Variants in SCP2 observed in about 807,000 individuals in gnomAD.
SCP2 encodes the protein sterol carrier protein 2.
SCP2 carries 48 observed loss-of-function variants against 71.4 expected under a neutral mutation model. The ratio of observed to expected loss-of-function variants is 0.67; its 90% CI spans 0.53 to 0.86. The LOEUF is 0.86. Among genes scored for constraint, SCP2 ranks in the 40% least tolerant of loss-of-function variants. SCP2 has a pLI of 0.00. For synonymous variants in SCP2, 220 were observed against 218.1 expected, an observed-to-expected ratio of 1.01 and a Z score of -0.08; for missense variants, 560 against 655.6, an observed-to-expected ratio of 0.85 and a Z score of 1.59.
At chr1:53,037,907 CACACACACACACACACACACACAGAT>C (rs1300236226) in intron 13 of SCP2, among the ~76,000 whole-genome samples, 8 of 128,586 alleles carry the variant, frequency 6.2e-5, no homozygotes, top group Middle Eastern at 4.3e-3. Context: ...CACACACACA[CACACACACACACACACACACACAGAT>C]CCAGATCCTG....
At chr1:52,995,830 C>T in intron 11 of SCP2, 2 of 1,031,018 alleles carry the variant, frequency 1.9e-6, no homozygotes, top group Non-Finnish European at 1.5e-6. Flanking sequence ...TCTTCAGGTG[C>T]ATCTTGGAGC....
intron 12 of SCP2, among the ~76,000 whole-genome samples, chr1:53,024,320 G>A (rs1363655562): frequency 6.6e-6 from 1 of 152,066 alleles, no homozygotes; most frequent in Non-Finnish European, 1.5e-5. Context: ...GGAGTGAGGA[G>A]TTACTCTTTA....
rs776027704 is a variant in SCP2 at position 52,975,935 on chromosome 1, A to G, written c.588-748A>G. ...GCCCATGCCACCCATATTTTGACCA[A>G]CTGACCACAAATCCAGGGGCTCCCA... On this transcript the variant is annotated intron_variant, in intron 7 of 15. Transcript: ENST00000371514. Among the ~76,000 whole-genome samples, 3 of 152,188 alleles carry G rather than the reference A, an allele frequency of 2.0e-5. No homozygotes were observed. The East Asian group carries it at 5.8e-4, about 29-fold the overall frequency.
At chr1:52,937,866 A>G (rs1047525003) in intron 1 of SCP2, among the ~76,000 whole-genome samples, 1 of 152,246 alleles carries the variant, frequency 6.6e-6, no homozygotes, top group African/African-American at 2.4e-5. Context: ...TAGACACAGC[A>G]GGGCTGTCGC....
chr1:53,000,960 A>T (rs937110741), intron 11 of SCP2, among the ~76,000 whole-genome samples: 2 of 151,988 alleles, frequency 1.3e-5, no homozygotes, highest in African/African-American at 4.8e-5. Flanking sequence ...GTCTCCAAAA[A>T]AAGAAAAAAA....
rs1384321415 is a variant in SCP2 at position 52,987,004 on chromosome 1, ATATTT to A, written c.974-1023_974-1019del. ...TTCTTCTGTATATATATATATATAT[ATATTT>A]TTTTTTTTTTTTTTTTGAGACAGAG... On this transcript the variant is annotated intron_variant, in intron 10 of 15. Transcript: ENST00000371514. Among the ~76,000 whole-genome samples, 785 of 93,680 alleles carry A rather than the reference ATATTT, an allele frequency of 8.4e-3. 5 individuals are homozygous for A. The highest frequency in any genetic ancestry group is 0.035 in the African/African-American group (753 of 21,598). The allele number at this position is 93,680 out of a possible 152,430, so 61.5% of individuals were successfully genotyped here. A position where few individuals can be genotyped will look rare whatever the true frequency, so the allele number is the denominator to read the frequency against.
intron 2 of SCP2, 152 bp downstream of exon 2, chr1:52,942,005 G>T: frequency 1.5e-6 from 1 of 654,658 alleles, no homozygotes; most frequent in South Asian, 1.7e-5. Context: ...CACTACAAAG[G>T]AAAAGAGCTT....
chr1:52,990,369 G>A (rs1295597118), intron 11 of SCP2, among the ~76,000 whole-genome samples: 1 of 151,750 alleles, frequency 6.6e-6, no homozygotes, highest in African/African-American at 2.4e-5. Context: ...CCAAAACATT[G>A]GACTTACTAG....
At position 52,953,468 on chromosome 1, in the gene SCP2, T is replaced by C. The variant is rs1429274159; in HGVS notation, c.332-1272T>C. ...GATCCTCCCACCTCAGCCTCCTAAG[T>C]ATTAATAATTGGGATCATAGGCGTG... On this transcript the variant is annotated intron_variant, in intron 4 of 15. Transcript: ENST00000371514. Among the ~76,000 whole-genome samples the C allele has an allele frequency of 2.0e-5, 3 of 151,964 alleles. No homozygotes were observed. In the East Asian group the frequency reaches 5.8e-4, roughly 29 times the overall value.
chr1:52,947,060 C>CA (rs1557550094), intron 2 of SCP2, among the ~76,000 whole-genome samples: 17 of 104,862 alleles, frequency 1.6e-4, no homozygotes, highest in African/African-American at 5.1e-4. Context: ...GACTCTGTCT[C>CA]GAAAAAAAAA....
At chr1:52,960,667 T>C (rs1432187240) in intron 5 of SCP2, among the ~76,000 whole-genome samples, 2 of 149,496 alleles carry the variant, frequency 1.3e-5, no homozygotes, top group East Asian at 1.9e-4. Context: ...TGTATATATA[T>C]GTATGTGTAT....
Position 52,973,354 on chromosome 1 carries a change from T to G in SCP2, c.524-1415T>G, listed in dbSNP as rs561976683. On this transcript the variant is annotated intron_variant, in intron 6 of 15. Coordinates refer to ENST00000371514, the MANE Select transcript of SCP2 (RefSeq NM_002979.5). ...TTGACAGAAGAACCCTCTTTTTTTT[T>G]TTTTGGTAACACCAAAAGATAAAAA... is the stretch of plus-strand genomic sequence containing the variant. Among the ~76,000 whole-genome samples the G allele has an allele frequency of 6.6e-4, 100 of 152,136 alleles. No homozygotes were observed. The East Asian group carries it at 0.018, about 27-fold the overall frequency.
At chr1:52,947,072 A>C (rs1352392666) in intron 2 of SCP2, among the ~76,000 whole-genome samples, 2 of 150,320 alleles carry the variant, frequency 1.3e-5, no homozygotes, top group South Asian at 2.1e-4. Flanking sequence ...AAAAAAAAAA[A>C]AAAAAAACGG....
intron 9 of SCP2, among the ~76,000 whole-genome samples, chr1:52,979,694 A>T (rs758878508): frequency 2.6e-5 from 4 of 152,148 alleles, no homozygotes; most frequent in Non-Finnish European, 5.9e-5. Context: ...GTTTATCACA[A>T]CTATACATTG....
intron 7 of SCP2, among the ~76,000 whole-genome samples, 184 bp downstream of exon 7, chr1:52,975,016 C>T (rs1212632399): frequency 1.3e-5 from 2 of 152,028 alleles, no homozygotes; most frequent in Admixed American, 6.6e-5. Flanking sequence ...AGTTTTTGGC[C>T]ACTTTATATT....
At chr1:52,960,615 T>A (rs1656313578) in intron 5 of SCP2, among the ~76,000 whole-genome samples, 1 of 148,900 alleles carries the variant, frequency 6.7e-6, no homozygotes, top group African/African-American at 2.5e-5. Flanking sequence ...TGTATATATG[T>A]ATATATGTAT....
intron 11 of SCP2, among the ~76,000 whole-genome samples, chr1:52,992,153 A>T (rs189162101): frequency 2.0e-4 from 31 of 152,304 alleles, no homozygotes; most frequent in South Asian, 6.2e-4. Flanking sequence ...CCAGACCAGC[A>T]AGTAAAAGTT....
At chr1:52,960,111 C>G (rs960036704) in intron 5 of SCP2, among the ~76,000 whole-genome samples, 2 of 151,964 alleles carry the variant, frequency 1.3e-5, no homozygotes, top group African/African-American at 4.8e-5. Context: ...AGGCTGGCCT[C>G]AAACTCCTGA....
At position 53,009,570 on chromosome 1, in the gene SCP2, C is replaced by G. The variant is rs561047077; in HGVS notation, c.1082-5320C>G. Among the ~76,000 whole-genome samples the G allele has an allele frequency of 4.6e-5, 7 of 152,256 alleles. No homozygotes were observed. The South Asian group carries it at 1.5e-3, about 32-fold the overall frequency. On this transcript the variant is annotated intron_variant, in intron 11 of 15. Coordinates refer to ENST00000371514, the MANE Select transcript of SCP2 (RefSeq NM_002979.5). ...AAACGGTGCTGGGAAAACTGGCTAG[C>G]CATATGTAGAAAGCTGAAACTGGAT...
Sources: gnomAD v4.1 joint callset for allele counts (sites outside exome capture counted in the v4.1 genomes callset) on GRCh38, gnomAD v4.1.1 for gene constraint, MANE v1.5 for transcripts, NCBI Gene and HGNC (gene_info 2026-07-23, HGNC 2026-07-21) for gene names.